The following ACTR3C variants were observed in gnomAD, a reference collection of about 807,000 sequenced individuals.
ACTR3C encodes actin related protein 3C.
In ACTR3C, 18 loss-of-function variants were observed where a neutral mutation model predicts 26.3. That is an observed-to-expected ratio of 0.68 (90% CI 0.47 to 1.01). The LOEUF is 1.01. Ranked by LOEUF, ACTR3C falls within the 50% of genes least tolerant of loss-of-function variation. The pLI, the probability that ACTR3C is intolerant of heterozygous loss-of-function variation, is 0.00. For synonymous variants in ACTR3C, 55 were observed against 94.5 expected (o/e 0.58, Z 2.42); for missense variants, 184 against 250.7 (o/e 0.73, Z 1.80).
At chr7:149,906,878 A>G in the ACTR3C span, among the ~76,000 whole-genome samples, 1 of 31,092 alleles carries the variant, frequency 3.2e-5, no homozygotes, top group African/African-American at 1.4e-4. Context: ...TTTCTACACC[A>G]CACATTCTCT....
At chr7:150,158,906 C>T in the ACTR3C span, among the ~76,000 whole-genome samples, 10 of 150,660 alleles carry the variant, frequency 6.6e-5, no homozygotes, top group Admixed American at 2.0e-4. Context: ...CACACACGTG[C>T]GCACACACAC....
intron 6 of ACTR3C, among the ~76,000 whole-genome samples, chr7:150,267,090 C>T (rs1337671904): frequency 6.6e-6 from 1 of 152,202 alleles, no homozygotes; most frequent in Non-Finnish European, 1.5e-5. Context: ...ACTCAAATGT[C>T]CACCAGCAGG....
chr7:149,988,447 A>G, the ACTR3C span, among the ~76,000 whole-genome samples: 1 of 152,226 alleles, frequency 6.6e-6, no homozygotes, highest in Admixed American at 6.5e-5. Context: ...CAACCAGCAG[A>G]TGATCCCTGG....
intron 6 of ACTR3C, among the ~76,000 whole-genome samples, chr7:150,257,600 C>T (rs1047440406): frequency 3.9e-5 from 6 of 152,198 alleles, no homozygotes; most frequent in Non-Finnish European, 7.3e-5. Context: ...ACCAGAGGAG[C>T]ACTCCTGGGA....
the ACTR3C span, among the ~76,000 whole-genome samples, chr7:150,042,503 T>C: frequency 2.1e-5 from 3 of 143,052 alleles, no homozygotes; most frequent in African/African-American, 8.2e-5. Context: ...CTCGCGGGGA[T>C]TGCCTCGCCC....
the ACTR3C span, among the ~76,000 whole-genome samples, chr7:150,176,850 T>G: frequency 6.6e-6 from 1 of 151,020 alleles, no homozygotes; most frequent in Non-Finnish European, 1.5e-5. Context: ...TAATTGCCGG[T>G]TTATACTTTT....
At chr7:150,022,468 T>C in the ACTR3C span, among the ~76,000 whole-genome samples, 1 of 151,726 alleles carries the variant, frequency 6.6e-6, no homozygotes, top group Non-Finnish European at 1.5e-5. Context: ...GTGACTTGCT[T>C]ATGAAAGGCA....
the ACTR3C span, among the ~76,000 whole-genome samples, chr7:150,164,583 G>T: frequency 6.6e-6 from 1 of 151,906 alleles, no homozygotes; most frequent in Non-Finnish European, 1.5e-5. Flanking sequence ...GGAATTGGAG[G>T]CAGCAGCATC....
At chr7:149,901,977 A>G in the ACTR3C span, among the ~76,000 whole-genome samples, 2 of 151,610 alleles carry the variant, frequency 1.3e-5, no homozygotes, top group African/African-American at 4.8e-5. Context: ...TGCAGTTGAA[A>G]AAAAATGTGT....
At chr7:150,059,794 C>T in the ACTR3C span, among the ~76,000 whole-genome samples, 1 of 152,198 alleles carries the variant, frequency 6.6e-6, no homozygotes, top group Admixed American at 6.5e-5. Flanking sequence ...TCCACCAAGG[C>T]TGCTATGAGT....
At chr7:150,233,620 T>G in the ACTR3C span, among the ~76,000 whole-genome samples, 3 of 152,098 alleles carry the variant, frequency 2.0e-5, no homozygotes, top group Non-Finnish European at 2.9e-5. Context: ...ATGAACCTAT[T>G]GAAGACATTC....
chr7:150,239,536 C>CTATA (rs1306541257), downstream of ACTR3C, among the ~76,000 whole-genome samples: 1,293 of 112,588 alleles, frequency 0.011, 3 homozygotes, highest in Non-Finnish European at 0.014. Flanking sequence ...CTCTCTCTCT[C>CTATA]TCTCTATATA....
the ACTR3C span, among the ~76,000 whole-genome samples, chr7:150,038,693 C>A: frequency 1.4e-5 from 2 of 142,898 alleles, no homozygotes; most frequent in Admixed American, 1.4e-4. Flanking sequence ...ACTTGGACAC[C>A]TAACACCCAC....
the ACTR3C span, among the ~76,000 whole-genome samples, chr7:150,011,577 T>C: frequency 3.3e-5 from 5 of 152,130 alleles, no homozygotes; most frequent in Non-Finnish European, 5.9e-5. Context: ...AGTTTGAGAC[T>C]CCATCTCAAA....
the ACTR3C span, among the ~76,000 whole-genome samples, chr7:150,151,472 A>C: frequency 7.3e-6 from 1 of 137,492 alleles, no homozygotes; most frequent in Admixed American, 7.4e-5. Context: ...CTTCGGTTAT[A>C]ATGAAACACA....
chr7:150,187,474 GA>G, the ACTR3C span, among the ~76,000 whole-genome samples: 4 of 145,802 alleles, frequency 2.7e-5, no homozygotes, highest in Non-Finnish European at 6.1e-5. Context: ...ACTAACTAAA[GA>G]ATTTATTTGG....
the ACTR3C span, among the ~76,000 whole-genome samples, chr7:149,968,501 C>A: frequency 6.6e-6 from 1 of 152,166 alleles, no homozygotes; most frequent in Non-Finnish European, 1.5e-5. Context: ...CCACTGCACT[C>A]CAGCCTGGGT....
At chr7:150,043,489 C>T in the ACTR3C span, among the ~76,000 whole-genome samples, 2 of 152,194 alleles carry the variant, frequency 1.3e-5, no homozygotes, top group South Asian at 4.1e-4. Flanking sequence ...GGCCCTCAAA[C>T]AGGGTGGCCA....
chr7:150,000,756 C>T, the ACTR3C span: 1 of 138,440 alleles, frequency 7.2e-6, no homozygotes, highest in Non-Finnish European at 1.6e-5. Context: ...AGCTCTGTTC[C>T]TTCCCCTTCC....
Sources: allele counts gnomAD v4.1 joint callset (sites outside exome capture counted in the v4.1 genomes callset), GRCh38; gene constraint gnomAD v4.1.1; transcripts MANE v1.5; gene names NCBI Gene and HGNC (gene_info 2026-07-23, HGNC 2026-07-21).